The following CFAP47 variants were observed in gnomAD, a reference collection of about 807,000 sequenced individuals.
CFAP47 encodes the protein cilia- and flagella-associated protein 47.
In CFAP47, 29 loss-of-function variants were observed where a neutral mutation model predicts 148.1. That is an observed-to-expected ratio of 0.20 (90% CI 0.15 to 0.27). The LOEUF (loss-of-function observed/expected upper bound fraction) is 0.27. Among genes scored for constraint, CFAP47 ranks in the 10% least tolerant of loss-of-function variants. CFAP47 has a pLI of 1.00. For missense variants in CFAP47, 1,872 were observed against 1,697.5 expected (o/e 1.10, Z -1.81); for synonymous variants, 664 against 577.3 (o/e 1.15, Z -2.15).
chrX:36,002,497 G>A (rs1359842108), intron 21 of CFAP47, among the ~76,000 whole-genome samples: 1 of 110,751 alleles, frequency 9.0e-6, no homozygotes, highest in South Asian at 3.9e-4. Flanking sequence ...CAGGAGAGTC[G>A]CTTGAACCTG....
At chrX:36,155,895 G>A (rs977915139) in intron 37 of CFAP47, among the ~76,000 whole-genome samples, 3 of 110,842 alleles carry the variant, frequency 2.7e-5, no homozygotes, top group African/African-American at 9.8e-5. Flanking sequence ...CTATCCCAAT[G>A]CCAGGCAAGC....
Position 35,956,210 on chromosome X carries a change from T to TCTTTG in CFAP47, c.1410+16_1410+20dup. On this transcript the variant is annotated intron_variant, in intron 8 of 63. Transcript: ENST00000378653. ...GGGGGTATGGTGGTAAGATAATTTT[T>TCTTTG]CTTTGCGTTTACATGGCAGCTAACA... 1 of 1,151,377 alleles carries TCTTTG rather than the reference T, an allele frequency of 8.7e-7. No individual in the cohort carries two copies. Among genetic ancestry groups the TCTTTG allele is most frequent in the Non-Finnish European group, 1.2e-6 (1 of 842,346 alleles). 94.9% of individuals were successfully genotyped at this position (1,151,377 alleles called of 1,213,427 possible).
intron 8 of CFAP47, among the ~76,000 whole-genome samples, chrX:35,960,380 G>GGAAAAAAAAAAAAAAAAAAAAAAAAAA (rs1227681980): frequency 5.2e-4 from 8 of 15,489 alleles, no homozygotes; most frequent in African/African-American, 1.8e-3. Context: ...GCTAATTTCT[G>GGAAAAAAAAAAAAAAAAAAAAAAAAAA]AAAAAAAAAA....
chrX:36,040,976 G>A (rs1483145664), intron 25 of CFAP47, among the ~76,000 whole-genome samples: 2 of 111,387 alleles, frequency 1.8e-5, no homozygotes, highest in South Asian at 3.7e-4. Flanking sequence ...ATAAAGTACA[G>A]CAAAATTATC....
chrX:35,955,591 CT>C (rs1936232668), intron 7 of CFAP47, among the ~76,000 whole-genome samples: 1 of 111,656 alleles, frequency 9.0e-6, no homozygotes, highest in African/African-American at 3.2e-5. Context: ...TCAGAGAAGC[CT>C]TTTTGGACAT....
chrX:36,093,446 C>T (rs1304105199), intron 30 of CFAP47, among the ~76,000 whole-genome samples: 1 of 111,154 alleles, frequency 9.0e-6, no homozygotes, highest in Admixed American at 9.6e-5. Context: ...GGATAAATGT[C>T]ATTTTAACTG....
chrX:36,105,347 G>A (rs1447673192), intron 33 of CFAP47, among the ~76,000 whole-genome samples: 1 of 111,683 alleles, frequency 9.0e-6, no homozygotes, highest in Admixed American at 9.6e-5. Context: ...TGTTCCTTTA[G>A]CTTCAATTCA....
At chrX:36,037,337 C>G (rs1937349637) in intron 24 of CFAP47, among the ~76,000 whole-genome samples, 1 of 97,255 alleles carries the variant, frequency 1.0e-5, no homozygotes, top group African/African-American at 4.6e-5. Flanking sequence ...CAACTTTACT[C>G]TTTGTTGTTG....
intron 33 of CFAP47, among the ~76,000 whole-genome samples, chrX:36,123,604 G>A (rs933679031): frequency 1.8e-4 from 20 of 111,181 alleles, no homozygotes; most frequent in African/African-American, 4.6e-4. Context: ...CCAGACCACT[G>A]ATGTTTTTTT....
chrX:36,163,110 C>G (rs1041013552), intron 39 of CFAP47, among the ~76,000 whole-genome samples: 1 of 112,075 alleles, frequency 8.9e-6, no homozygotes, highest in Non-Finnish European at 1.9e-5. Flanking sequence ...TCTGTTTCTT[C>G]TCAAATCGGT....
At chrX:35,970,536 T>C (rs1298251075) in intron 10 of CFAP47, among the ~76,000 whole-genome samples, 2 of 110,939 alleles carry the variant, frequency 1.8e-5, no homozygotes, top group Non-Finnish European at 3.8e-5. Flanking sequence ...TACATCCCAG[T>C]GACCTTACAA....
intron 44 of CFAP47, among the ~76,000 whole-genome samples, chrX:36,204,157 G>A (rs1940012804): frequency 9.3e-6 from 1 of 107,820 alleles, no homozygotes. Flanking sequence ...TTAGCCCTTT[G>A]TCAGATGAGT....
intron 40 of CFAP47, among the ~76,000 whole-genome samples, chrX:36,180,701 GT>G (rs1939740531): frequency 8.9e-6 from 1 of 112,042 alleles, no homozygotes; most frequent in African/African-American, 3.2e-5. Flanking sequence ...TCCTTCAATG[GT>G]TATTCTGTGA....
chrX:36,207,517 A>G (rs1318407134), intron 45 of CFAP47, among the ~76,000 whole-genome samples: 1 of 111,858 alleles, frequency 8.9e-6, no homozygotes, highest in Non-Finnish European at 1.9e-5. Context: ...GTTGTCAATC[A>G]GTCTTTACTG....
intron 15 of CFAP47, chrX:35,985,861 C>T (rs767376801): frequency 3.7e-6 from 1 of 269,914 alleles, no homozygotes; most frequent in African/African-American, 2.8e-5. Flanking sequence ...CGGGGCTCTA[C>T]ACAGCCTGGA....
intron 26 of CFAP47, among the ~76,000 whole-genome samples, chrX:36,047,851 A>C (rs139712311): frequency 8.9e-6 from 1 of 112,283 alleles, no homozygotes; most frequent in East Asian, 2.8e-4. Flanking sequence ...ATCATATTTC[A>C]CAACATCCCA....
At chrX:36,019,585 G>A (rs1937135547) in intron 22 of CFAP47, among the ~76,000 whole-genome samples, 1 of 111,772 alleles carries the variant, frequency 8.9e-6, no homozygotes, top group African/African-American at 3.3e-5. Flanking sequence ...TCCAAGAGAG[G>A]TTGTCGCTAT....
At chrX:36,047,777 G>A (rs1438177468) in intron 26 of CFAP47, among the ~76,000 whole-genome samples, 1 of 112,063 alleles carries the variant, frequency 8.9e-6, no homozygotes, top group East Asian at 2.8e-4. Flanking sequence ...ACTGATTCAT[G>A]TGTTTGGCAT....
intron 16 of CFAP47, 69 bp from the exon 17 acceptor site, chrX:35,991,752 A>T: frequency 3.5e-6 from 1 of 287,085 alleles, no homozygotes; most frequent in Non-Finnish European, 6.1e-6. Context: ...TGTGACCAAA[A>T]CAATTAAACA....
Sources: allele counts gnomAD v4.1 joint callset (sites outside exome capture counted in the v4.1 genomes callset), GRCh38; gene constraint gnomAD v4.1.1; transcripts MANE v1.5; gene names NCBI Gene and HGNC (gene_info 2026-07-23, HGNC 2026-07-21).